Variants in GLG1 observed in about 807,000 individuals in gnomAD.
The protein encoded by GLG1 is golgi glycoprotein 1, also known as Golgi apparatus protein 1.
Under a neutral mutation model 160.5 loss-of-function variants are expected in GLG1, and 38 were observed. That is an observed-to-expected ratio of 0.24 (90% CI 0.18 to 0.31). GLG1 has a LOEUF of 0.31. Among genes scored for constraint, GLG1 ranks in the 10% least tolerant of loss-of-function variants. The pLI is 1.00. For missense variants in GLG1, 1,373 were observed against 1,505.2 expected, an observed-to-expected ratio of 0.91 and a Z score of 1.45; for synonymous variants, 644 against 543.4, an observed-to-expected ratio of 1.19 and a Z score of -2.57.
intron 1 of GLG1, among the ~76,000 whole-genome samples, chr16:74,536,338 T>A (rs1346245274): frequency 6.6e-6 from 1 of 152,230 alleles, no homozygotes. Context: ...GGATTTTTTT[T>A]CTTCCTCTTT....
rs138812916 is a variant in GLG1 at position 74,471,778 on chromosome 16, G to A, written c.2116-492C>T. 6.6e-5 allele frequency among the ~76,000 whole-genome samples: 10 copies of A among 152,230 alleles called. No individual in the cohort carries two copies. The South Asian group carries it at 1.0e-3, about 16-fold the overall frequency. On this transcript the variant is annotated intron_variant, in intron 14 of 25. Transcript: ENST00000422840. Reference sequence around the variant, plus strand: ...TGGAATCAACCCTGCATACTAATGGGGGTTTCCCTGTTCCATCTCTTCTTA... The same window carrying A: ...TGGAATCAACCCTGCATACTAATGGAGGTTTCCCTGTTCCATCTCTTCTTA...
chr16:74,465,303 A>T (rs2014959495), intron 19 of GLG1, among the ~76,000 whole-genome samples: 1 of 152,224 alleles, frequency 6.6e-6, no homozygotes, highest in Admixed American at 6.5e-5. Context: ...AGGACATTAG[A>T]TGGTGACTTT....
rs1010766313 is a variant in GLG1 at position 74,591,054 on chromosome 16, C to T, written c.438+15603G>A. Among the ~76,000 whole-genome samples, 7 of 152,218 alleles carry T rather than the reference C, an allele frequency of 4.6e-5. No individual in the cohort carries two copies. In the East Asian group the frequency reaches 1.2e-3, roughly 25 times the overall value. On this transcript the variant is annotated intron_variant, in intron 1 of 25. Transcript: ENST00000422840. ...ACTTCTGAAAGAAGACTTACAGGGC[C>T]GGATGCCGTGGCTCACACCTGTAAT... is the stretch of plus-strand genomic sequence containing the variant.
At chr16:74,525,355 G>C (rs1294028288) in intron 2 of GLG1, among the ~76,000 whole-genome samples, 1 of 152,172 alleles carries the variant, frequency 6.6e-6, no homozygotes, top group East Asian at 1.9e-4. Context: ...ATCTCATTGT[G>C]GTTAGGATAC....
intron 2 of GLG1, among the ~76,000 whole-genome samples, chr16:74,512,485 G>C (rs1229025676): frequency 6.6e-6 from 1 of 151,932 alleles, no homozygotes; most frequent in South Asian, 2.1e-4. Flanking sequence ...GGATGGTCTC[G>C]ATCTCCTGAC....
At chr16:74,504,477 G>A (rs2016525855) in intron 3 of GLG1, among the ~76,000 whole-genome samples, 1 of 152,028 alleles carries the variant, frequency 6.6e-6, no homozygotes, top group South Asian at 2.1e-4. Flanking sequence ...TAGTAGAGAC[G>A]GAGTTTTGTC....
chr16:74,586,819 C>T (rs1002214172), intron 1 of GLG1, among the ~76,000 whole-genome samples: 2 of 151,952 alleles, frequency 1.3e-5, no homozygotes, highest in African/African-American at 2.4e-5. Context: ...CCTCAGCCTA[C>T]CAAGTAGCTG....
intron 8 of GLG1, among the ~76,000 whole-genome samples, chr16:74,487,181 C>T (rs2015823985): frequency 6.6e-6 from 1 of 152,190 alleles, no homozygotes; most frequent in African/African-American, 2.4e-5. Context: ...GCTGGGATTA[C>T]AGGCGTAAGC....
At chr16:74,579,261 T>C (rs929975954) in intron 1 of GLG1, among the ~76,000 whole-genome samples, 2 of 151,988 alleles carry the variant, frequency 1.3e-5, no homozygotes, top group Non-Finnish European at 2.9e-5. Flanking sequence ...ACACAAAAAT[T>C]AGCCAGGTGT....
chr16:74,551,612 ATTT>A (rs535693858), intron 1 of GLG1, among the ~76,000 whole-genome samples: 1 of 143,126 alleles, frequency 7.0e-6, no homozygotes, highest in Admixed American at 7.1e-5. Flanking sequence ...CCCAGCCCTT[ATTT>A]TTTTTTTTTT....
intron 1 of GLG1, among the ~76,000 whole-genome samples, chr16:74,538,756 G>C (rs1404513862): frequency 7.5e-6 from 1 of 133,110 alleles, no homozygotes; most frequent in Non-Finnish European, 1.6e-5. Flanking sequence ...TTCTTAAAAA[G>C]ACATGAGATA....
intron 1 of GLG1, among the ~76,000 whole-genome samples, chr16:74,571,975 T>C (rs895769039): frequency 6.6e-6 from 1 of 152,196 alleles, no homozygotes; most frequent in Admixed American, 6.5e-5. Context: ...ACTAAAAGCC[T>C]TGGAGTCTCA....
intron 8 of GLG1, among the ~76,000 whole-genome samples, chr16:74,490,182 T>C (rs1156581525): frequency 2.0e-5 from 3 of 152,122 alleles, no homozygotes; most frequent in African/African-American, 7.2e-5. Flanking sequence ...TAAAAAGTAA[T>C]CAACATGGAC....
intron 18 of GLG1, among the ~76,000 whole-genome samples, chr16:74,466,372 A>T (rs1034672076): frequency 1.3e-4 from 20 of 152,242 alleles, no homozygotes; most frequent in Non-Finnish European, 2.8e-4. Flanking sequence ...AATGAATTTT[A>T]AGGTAGTGAA....
At chr16:74,465,986 T>A (rs1053525087) in intron 18 of GLG1, among the ~76,000 whole-genome samples, 173 bp from the exon 19 acceptor site, 1 of 152,166 alleles carries the variant, frequency 6.6e-6, no homozygotes, top group Non-Finnish European at 1.5e-5. Context: ...ACCTTACAGC[T>A]GACAGCAAAC....
chr16:74,496,528 C>T lies in GLG1; in HGVS notation c.891G>A (p.Arg297=), dbSNP rs1433514740. 5.0e-6 allele frequency: 8 copies of T among 1,613,322 alleles called. No homozygotes were observed. Among genetic ancestry groups the T allele is most frequent in the Non-Finnish European group, 6.8e-6 (8 of 1,179,464 alleles). ...AGTCATCCGATGACAGCTCAGCCAC[C>T]CGGAGAATGGCTTTCTTGCAGAGTT... The part of the protein sequence containing the change: ...VSELCKKAIL[R]VAELSSDDFH... The change falls in exon 5 of 26, where the codon CGG becomes CGA. Residue 297 remains arginine, a synonymous_variant. Transcript: ENST00000422840.
intron 1 of GLG1, among the ~76,000 whole-genome samples, chr16:74,551,284 C>T (rs968039908): frequency 2.0e-5 from 3 of 151,924 alleles, no homozygotes; most frequent in Admixed American, 6.6e-5. Context: ...AAAGCAAGTG[C>T]TATATCTTAT....
At chr16:74,461,466 CTTTTTTTTTTTTTT>C (rs34176824) in intron 22 of GLG1, 1 of 67,102 alleles carries the variant, frequency 1.5e-5, no homozygotes, top group African/African-American at 6.1e-5. Flanking sequence ...CTCGCCCGGG[CTTTTTTTTTTTTTT>C]TTTTTTTTGA....
chr16:74,606,152 G>C (rs1958560454), intron 1 of GLG1, among the ~76,000 whole-genome samples: 1 of 152,186 alleles, frequency 6.6e-6, no homozygotes, highest in Non-Finnish European at 1.5e-5. Flanking sequence ...CAAAGGAAGT[G>C]AAGAAAACAA....
Sources: allele counts gnomAD v4.1 joint callset (sites outside exome capture counted in the v4.1 genomes callset), GRCh38; gene constraint gnomAD v4.1.1; transcripts MANE v1.5; gene names NCBI Gene and HGNC (gene_info 2026-07-23, HGNC 2026-07-21).